Variants in DYNC2I2 observed in about 807,000 individuals in gnomAD.
DYNC2I2 encodes cytoplasmic dynein 2 intermediate chain 2.
In DYNC2I2, 39 loss-of-function variants were observed where a neutral mutation model predicts 52.0. The observed-to-expected ratio is 0.75, with a 90% CI of 0.58 to 0.98. DYNC2I2 has a LOEUF of 0.98. Ranked by LOEUF, DYNC2I2 falls within the 50% of genes least tolerant of loss-of-function variation. DYNC2I2 has a pLI of 0.00. For synonymous variants in DYNC2I2, 359 were observed against 321.1 expected, an observed-to-expected ratio of 1.12 and a Z score of -1.26; for missense variants, 743 against 728.4, an observed-to-expected ratio of 1.02 and a Z score of -0.23.
At chr9:128,669,170 C>T in the DYNC2I2 span, among the ~76,000 whole-genome samples, 3 of 151,916 alleles carry the variant, frequency 2.0e-5, no homozygotes, top group Admixed American at 6.6e-5. Flanking sequence ...TCAAGACCAT[C>T]CTGGCTAACA....
chr9:128,648,164 T>G (rs1860651905), intron 1 of DYNC2I2, among the ~76,000 whole-genome samples: 1 of 152,092 alleles, frequency 6.6e-6, no homozygotes, highest in Non-Finnish European at 1.5e-5. Flanking sequence ...ACCTTAGCAC[T>G]TTGGGAGGTC....
chr9:128,656,631 C>G lies in DYNC2I2; in HGVS notation c.96G>C (p.Pro32=), dbSNP rs748971234. The change falls in exon 1 of 9, where the codon CCG becomes CCC. Residue 32 remains proline (P), a synonymous_variant. Coordinates refer to ENST00000372715, the MANE Select transcript of DYNC2I2 (RefSeq NM_052844.4). ...CGTCCTGCAGCGGCCCTGGCCGCCC[C>G]GGCCCCGGGCCGCTCGCAACCCCGA... ...ATVGVASGPG[P]GRPGPLQDET... The G allele has an allele frequency of 1.7e-5, 26 of 1,498,852 alleles. No individual in the cohort carries two copies. In the South Asian group the frequency reaches 3.2e-4, roughly 19 times the overall value. 92.8% of individuals were successfully genotyped at this position (1,498,852 alleles called of 1,614,324 possible). A position where few individuals can be genotyped will look rare whatever the true frequency, so the allele number is the denominator to read the frequency against.
At chr9:128,662,372 A>G in the DYNC2I2 span, among the ~76,000 whole-genome samples, 1 of 151,816 alleles carries the variant, frequency 6.6e-6, no homozygotes, top group East Asian at 1.9e-4. Context: ...GCAGCAGGAT[A>G]TTCATAATTC....
At chr9:128,683,797 C>A in the DYNC2I2 span, 13 of 1,027,770 alleles carry the variant, frequency 1.3e-5, no homozygotes, top group Non-Finnish European at 1.7e-5. Context: ...GGCTCCAGTG[C>A]AGATTTAAGC....
At chr9:128,653,574 G>A (rs890939040) in intron 1 of DYNC2I2, among the ~76,000 whole-genome samples, 1 of 147,480 alleles carries the variant, frequency 6.8e-6, no homozygotes, top group African/African-American at 2.6e-5. Flanking sequence ...AAATTAGCCA[G>A]GCGTGCTGGC....
At chr9:128,665,694 C>T in the DYNC2I2 span, among the ~76,000 whole-genome samples, 1 of 146,952 alleles carries the variant, frequency 6.8e-6, no homozygotes, top group Non-Finnish European at 1.5e-5. Flanking sequence ...CGCTTGAACT[C>T]GGGAGGCAGA....
chr9:128,650,232 G>C (rs1860697691), intron 1 of DYNC2I2, among the ~76,000 whole-genome samples: 1 of 55,342 alleles, frequency 1.8e-5, no homozygotes, highest in African/African-American at 3.6e-5. Context: ...TTTGAGAAGA[G>C]GAATGAGGAG....
the DYNC2I2 span, among the ~76,000 whole-genome samples, chr9:128,662,269 C>T: frequency 6.6e-6 from 1 of 151,676 alleles, no homozygotes; most frequent in Admixed American, 6.6e-5. Context: ...CTGAAGGGGG[C>T]TCAATCAATG....
chr9:128,636,066 TCCTGGCCCCGAC>T, intron 4 of DYNC2I2: 3 of 835,114 alleles, frequency 3.6e-6, no homozygotes, highest in African/African-American at 1.7e-5. Flanking sequence ...CAGCCCCCTG[TCCTGGCCCCGAC>T]CCTGGCCCCC....
chr9:128,683,022 T>TCCC, the DYNC2I2 span, among the ~76,000 whole-genome samples: 14 of 148,300 alleles, frequency 9.4e-5, no homozygotes, highest in East Asian at 2.4e-3. Flanking sequence ...TGAGACAGGG[T>TCCC]CCCGCTCTGT....
At chr9:128,674,970 G>T in the DYNC2I2 span, among the ~76,000 whole-genome samples, 3 of 152,050 alleles carry the variant, frequency 2.0e-5, no homozygotes, top group African/African-American at 7.2e-5. Context: ...TCTACCGGGA[G>T]ATTCCTGAGG....
At chr9:128,667,540 G>T in the DYNC2I2 span, among the ~76,000 whole-genome samples, 1 of 150,222 alleles carries the variant, frequency 6.7e-6, no homozygotes, top group Admixed American at 6.7e-5. Flanking sequence ...TGGCCAGGCT[G>T]GTCTCACCTT....
At chr9:128,637,399 G>A (rs759810160) in intron 2 of DYNC2I2, among the ~76,000 whole-genome samples, 13 of 152,326 alleles carry the variant, frequency 8.5e-5, no homozygotes, top group South Asian at 4.1e-4. Flanking sequence ...CCGACGTCAC[G>A]CTGTGCTACA....
At chr9:128,642,742 G>C (rs1308140829) in intron 1 of DYNC2I2, among the ~76,000 whole-genome samples, 1 of 151,916 alleles carries the variant, frequency 6.6e-6, no homozygotes, top group Non-Finnish European at 1.5e-5. Flanking sequence ...GTGACAGAGC[G>C]AGACTCCATT....
chr9:128,658,817 C>T (rs1860885508), upstream of DYNC2I2, among the ~76,000 whole-genome samples: 2 of 150,090 alleles, frequency 1.3e-5, no homozygotes, highest in Admixed American at 6.7e-5. Flanking sequence ...TCAACCTCTC[C>T]GGGCTCAGGC....
At chr9:128,639,510 G>A (rs1189770635) in intron 2 of DYNC2I2, among the ~76,000 whole-genome samples, 1 of 152,166 alleles carries the variant, frequency 6.6e-6, no homozygotes. Flanking sequence ...TGTACTTGGA[G>A]GGCAGATGAC....
chr9:128,648,580 G>A (rs1589435184), intron 1 of DYNC2I2, among the ~76,000 whole-genome samples: 1 of 145,726 alleles, frequency 6.9e-6, no homozygotes, highest in East Asian at 2.0e-4. Flanking sequence ...GAGGCCAGGA[G>A]TTCAAGACCA....
intron 1 of DYNC2I2, among the ~76,000 whole-genome samples, chr9:128,646,361 A>T (rs565820944): frequency 6.6e-6 from 1 of 152,266 alleles, no homozygotes; most frequent in South Asian, 2.1e-4. Flanking sequence ...GGTGCCTGCC[A>T]CCATGGCTGG....
the DYNC2I2 span, among the ~76,000 whole-genome samples, chr9:128,678,587 G>C: frequency 2.7e-5 from 4 of 147,418 alleles, no homozygotes; most frequent in East Asian, 4.1e-4. Flanking sequence ...TCAGCTTCCT[G>C]AGTAGCTGGA....
Sources: gnomAD v4.1 joint callset for allele counts (sites outside exome capture counted in the v4.1 genomes callset) on GRCh38, gnomAD v4.1.1 for gene constraint, MANE v1.5 for transcripts, NCBI Gene and HGNC (gene_info 2026-07-23, HGNC 2026-07-21) for gene names.